Variants in GPR137C observed in about 807,000 individuals in gnomAD.
The protein encoded by GPR137C is G protein-coupled receptor 137C.
Under a neutral mutation model 43.4 loss-of-function variants are expected in GPR137C, and 27 were observed. The observed-to-expected ratio is 0.62, with a 90% CI of 0.46 to 0.86. GPR137C has a LOEUF of 0.86. GPR137C is among the 40% of genes least tolerant of loss of function. The pLI is 0.00. For synonymous variants in GPR137C, 285 were observed against 226.9 expected, an observed-to-expected ratio of 1.26 and a Z score of -2.30; for missense variants, 522 against 534.6, an observed-to-expected ratio of 0.98 and a Z score of 0.23.
chr14:52,580,737 C>T (rs1410395320), intron 1 of GPR137C, among the ~76,000 whole-genome samples: 1 of 149,976 alleles, frequency 6.7e-6, no homozygotes, highest in African/African-American at 2.4e-5. Context: ...ATCCTAGAAA[C>T]AAGAATAGGC....
rs1244511701 is a variant in GPR137C at position 52,580,808 on chromosome 14, T to TTATTTA, written c.445-17454_445-17449dup. Among the ~76,000 whole-genome samples, 3 of 111,012 alleles carry TTATTTA rather than the reference T, an allele frequency of 2.7e-5. No individual in the cohort carries two copies. In the East Asian group the frequency reaches 6.0e-4, roughly 22 times the overall value. The allele number at this position is 111,012 out of a possible 152,430, so 72.8% of individuals were successfully genotyped here. A position where few individuals can be genotyped will look rare whatever the true frequency, so the allele number is the denominator to read the frequency against. On this transcript the variant is annotated intron_variant, in intron 1 of 6. Transcript: ENST00000321662. ...TACTAAATATATTTATATTTATATA[T>TTATTTA]TATTTATATTTATATAATAATATTT...
At chr14:52,614,966 G>A (rs1378247090) in intron 3 of GPR137C, among the ~76,000 whole-genome samples, 2 of 152,136 alleles carry the variant, frequency 1.3e-5, no homozygotes, top group Non-Finnish European at 2.9e-5. Context: ...TAACTCGATA[G>A]GATCCAATCC....
intron 1 of GPR137C, among the ~76,000 whole-genome samples, chr14:52,594,839 G>T (rs972680379): frequency 4.6e-5 from 7 of 152,170 alleles, no homozygotes; most frequent in Non-Finnish European, 7.3e-5. Context: ...ATATTGTTAT[G>T]TGTGAATTTG....
chr14:52,622,132 C>CAT (rs1190762724), intron 3 of GPR137C, among the ~76,000 whole-genome samples: 1 of 151,894 alleles, frequency 6.6e-6, no homozygotes, highest in Non-Finnish European at 1.5e-5. Context: ...CATCCTCACA[C>CAT]ATATATATAG....
At chr14:52,610,346 A>G (rs2039025264) in intron 3 of GPR137C, among the ~76,000 whole-genome samples, 1 of 152,220 alleles carries the variant, frequency 6.6e-6, no homozygotes, top group Non-Finnish European at 1.5e-5. Flanking sequence ...TGAAGTGAAG[A>G]CAAGGGTAGT....
intron 2 of GPR137C, 111 bp from the exon 3 acceptor site, chr14:52,600,002 T>C: frequency 1.4e-6 from 1 of 707,136 alleles, no homozygotes; most frequent in South Asian, 1.9e-5. Context: ...ATGCCATTCA[T>C]AAACATTTCA....
At chr14:52,556,416 C>CTTTTT (rs1566599285) in intron 1 of GPR137C, among the ~76,000 whole-genome samples, 1 of 142,894 alleles carries the variant, frequency 7.0e-6, no homozygotes, top group African/African-American at 2.6e-5. Flanking sequence ...TTGGTGTCTA[C>CTTTTT]ACTTGAATGG....
intron 1 of GPR137C, among the ~76,000 whole-genome samples, chr14:52,554,038 G>T (rs1228789533): frequency 6.6e-6 from 1 of 152,172 alleles, no homozygotes; most frequent in African/African-American, 2.4e-5. Flanking sequence ...ACGTCACCAG[G>T]CAGAGCTGTT....
chr14:52,583,269 T>C (rs534142379), intron 1 of GPR137C, among the ~76,000 whole-genome samples: 1 of 152,360 alleles, frequency 6.6e-6, no homozygotes, highest in Admixed American at 6.5e-5. Flanking sequence ...CTTGATATTT[T>C]TTCATATTAC....
At chr14:52,573,949 G>C (rs1360463808) in intron 1 of GPR137C, among the ~76,000 whole-genome samples, 1 of 152,034 alleles carries the variant, frequency 6.6e-6, no homozygotes, top group Admixed American at 6.6e-5. Context: ...CATTTATGTG[G>C]CCACAAACAT....
At chr14:52,609,053 A>G (rs2039011449) in intron 3 of GPR137C, among the ~76,000 whole-genome samples, 1 of 152,126 alleles carries the variant, frequency 6.6e-6, no homozygotes, top group Non-Finnish European at 1.5e-5. Flanking sequence ...CCTAACTCCA[A>G]CACCCCAAAT....
At position 52,565,339 on chromosome 14, in the gene GPR137C, A is replaced by G. The variant is rs534112718; in HGVS notation, c.444+11748A>G. Among the ~76,000 whole-genome samples, 36 of 152,182 alleles carry G rather than the reference A, an allele frequency of 2.4e-4. 1 individual carries two copies. Among genetic ancestry groups the G allele is most frequent in the Non-Finnish European group, 4.9e-4 (33 of 68,030 alleles). ...AACAACTAAATATAATCCTGTCTTTATAATTTCCATATACCAAGCTTTAAT... is the reference window on the plus strand; with the variant it reads ...AACAACTAAATATAATCCTGTCTTTGTAATTTCCATATACCAAGCTTTAAT... On this transcript the variant is annotated intron_variant, in intron 1 of 6. Coordinates refer to ENST00000321662, the MANE Select transcript of GPR137C (RefSeq NM_001099652.2).
intron 1 of GPR137C, among the ~76,000 whole-genome samples, chr14:52,590,069 T>A (rs1009554267): frequency 1.9e-4 from 29 of 152,148 alleles, no homozygotes; most frequent in African/African-American, 7.0e-4. Flanking sequence ...TCATAGGAGA[T>A]GACAGCTCCG....
chr14:52,593,057 T>C (rs925746266), intron 1 of GPR137C, among the ~76,000 whole-genome samples: 2 of 152,240 alleles, frequency 1.3e-5, no homozygotes, highest in South Asian at 4.1e-4. Context: ...TTGAATTTAA[T>C]CGAAGGCCTT....
At chr14:52,553,797 C>T (rs2140246043) in intron 1 of GPR137C, among the ~76,000 whole-genome samples, 1 of 152,238 alleles carries the variant, frequency 6.6e-6, no homozygotes, top group Non-Finnish European at 1.5e-5. Context: ...CTGAGGGGTT[C>T]GGGCTAGGGG....
chr14:52,596,024 A>T (rs1458802435), intron 1 of GPR137C, among the ~76,000 whole-genome samples: 1 of 152,072 alleles, frequency 6.6e-6, no homozygotes, highest in African/African-American at 2.4e-5. Flanking sequence ...CTTTTTGTTG[A>T]TGTTGATGCT....
chr14:52,615,362 T>C (rs1322346643), intron 3 of GPR137C, among the ~76,000 whole-genome samples: 2 of 152,178 alleles, frequency 1.3e-5, no homozygotes, highest in African/African-American at 4.8e-5. Context: ...TAAAGCTCTG[T>C]AGTATAATTT....
At chr14:52,634,441 A>G (rs2039329207) in intron 6 of GPR137C, among the ~76,000 whole-genome samples, 1 of 152,100 alleles carries the variant, frequency 6.6e-6, no homozygotes. Flanking sequence ...TAATGGCTGA[A>G]GCCATGAAGC....
chr14:52,567,480 G>A (rs1371049615), intron 1 of GPR137C, among the ~76,000 whole-genome samples: 4 of 152,046 alleles, frequency 2.6e-5, no homozygotes, highest in Non-Finnish European at 5.9e-5. Context: ...GATTAAGATA[G>A]GTTTGTAGGT....
Sources: allele counts gnomAD v4.1 joint callset (sites outside exome capture counted in the v4.1 genomes callset), GRCh38; gene constraint gnomAD v4.1.1; transcripts MANE v1.5; gene names NCBI Gene and HGNC (gene_info 2026-07-23, HGNC 2026-07-21).